The following TARM1 variants were observed in gnomAD, a reference collection of about 807,000 sequenced individuals.
TARM1 encodes T-cell-interacting, activating receptor on myeloid cells protein 1.
TARM1 carries 24 observed loss-of-function variants against 30.4 expected under a neutral mutation model. The ratio of observed to expected loss-of-function variants is 0.79; its 90% CI spans 0.57 to 1.11. TARM1 has a LOEUF of 1.11. Ranked by LOEUF, TARM1 falls within the 50% of genes least tolerant of loss-of-function variation. The pLI is 0.00. For synonymous variants in TARM1, 129 were observed against 138.9 expected (o/e 0.93, Z 0.50); for missense variants, 323 against 332.8 (o/e 0.97, Z 0.23).
At chr19:54,074,586 A>G (rs1000456660) in intron 3 of TARM1, among the ~76,000 whole-genome samples, 11 of 152,152 alleles carry the variant, frequency 7.2e-5, no homozygotes, top group Non-Finnish European at 1.3e-4. Flanking sequence ...AGGAGGCTGG[A>G]GCAGGAGAAT....
chr19:54,080,140 AAAGCAAGCAAGCAAGC>A lies in TARM1; in HGVS notation c.34+1151_34+1166del, dbSNP rs375418750. ...GGAAGGAAGGAAGGAAGGAAGGAAG[AAAGCAAGCAAGCAAGC>A]AAGCAAGCAAGCAAGCAAGCAAGCA... On this transcript the variant is annotated intron_variant, in intron 1 of 4. Transcript: ENST00000432826. Among the ~76,000 whole-genome samples the A allele has an allele frequency of 1.6e-4, 13 of 80,276 alleles. 2 individuals are homozygous for A. The highest frequency in any genetic ancestry group is 4.2e-4 in the African/African-American group (10 of 23,810). The allele number at this position is 80,276 out of a possible 152,430, so 52.7% of individuals were successfully genotyped here.
In TARM1 at chr19:54,075,900, C is replaced by T. The variant is rs1404483667; in HGVS notation, c.53G>A (p.Gly18Glu). 6.4e-7 allele frequency: 1 copy of T among 1,551,236 alleles called. No homozygotes were observed. Among genetic ancestry groups the T allele is most frequent in the African/African-American group, 1.4e-5 (1 of 73,034 alleles). ...ACACTCACCATCTCCCCTTGTGTCT[C>T]CTTGGCCCACGCACAGTCCTGCAAG... The part of the protein sequence containing the change: ...LLCFRLCVGQ[G>E]DTRGDGSLPK... The change falls in exon 2 of 5, where the codon GGA (glycine) becomes GAA (glutamate). Residue 18 changes from glycine to glutamate, a missense_variant. Coordinates refer to ENST00000432826, the MANE Select transcript of TARM1 (RefSeq NM_001135686.3).
Position 54,076,078 on chromosome 19 carries a change from T to C in TARM1, c.35-160A>G, listed in dbSNP as rs78579624. 4,773 of 1,446,366 alleles carry C rather than the reference T, an allele frequency of 3.3e-3. 123 individuals are homozygous for C. The African/African-American group carries it at 0.057, about 17-fold the overall frequency. The allele number at this position is 1,446,366 out of a possible 1,614,324, so 89.6% of individuals were successfully genotyped here. A position where few individuals can be genotyped will look rare whatever the true frequency, so the allele number is the denominator to read the frequency against. ...TCTCCCCACACTGGACTGTGGCTTC[T>C]GCTCGACTTCCAGCTCCTCCATCCT... On this transcript the variant is annotated intron_variant, in intron 1 of 4. Transcript: ENST00000432826.
chr19:54,079,694 A>G (rs2072047845), intron 1 of TARM1, among the ~76,000 whole-genome samples: 1 of 152,098 alleles, frequency 6.6e-6, no homozygotes, highest in Non-Finnish European at 1.5e-5. Flanking sequence ...TCTACAAAAA[A>G]TTTAAAAATT....
chr19:54,074,919 A>C lies in TARM1; in HGVS notation c.266T>G (p.Val89Gly). The C allele has an allele frequency of 1.9e-6, 3 of 1,551,538 alleles. No individual in the cohort carries two copies. The highest frequency in any genetic ancestry group is 2.6e-6 in the Non-Finnish European group (3 of 1,146,960). The change falls in exon 3 of 5, where the codon GTC becomes GGC. Residue 89 changes from valine to glycine, a missense_variant. Physicochemically the swap from Val to Gly is moderately radical, Grantham distance 109. Coordinates refer to ENST00000432826, the MANE Select transcript of TARM1 (RefSeq NM_001135686.3). ...AAEFHLNNLK[V>G]RNAGEYTCEY... ...ACAGGTGTACTCTCCAGCATTTCTG[A>C]CTTTTAGATTATTGAGGTGAAATTC...
At chr19:54,076,401 C>T (rs893867923) in intron 1 of TARM1, 23 of 495,838 alleles carry the variant, frequency 4.6e-5, no homozygotes, top group East Asian at 2.7e-4. Flanking sequence ...TGCGCTCTGT[C>T]GCCCAGGCTG....
intron 1 of TARM1, 75 bp from the exon 2 acceptor site, chr19:54,075,993 C>G (rs746141663): frequency 2.0e-6 from 3 of 1,523,752 alleles, no homozygotes; most frequent in Non-Finnish European, 2.7e-6. Flanking sequence ...CCCTGGAGAT[C>G]GTCCCAGAGT....
intron 1 of TARM1, among the ~76,000 whole-genome samples, chr19:54,079,680 C>T (rs1445980045): frequency 7.3e-5 from 11 of 151,462 alleles, no homozygotes; most frequent in African/African-American, 2.4e-4. Context: ...AGTGAGATCC[C>T]GTCTCTACAA....
At position 54,076,270 on chromosome 19, in the gene TARM1, TTTCA is replaced by T. The variant is rs763788676; in HGVS notation, c.35-356_35-353del. The T allele has an allele frequency of 3.5e-6, 5 of 1,449,040 alleles. No individual in the cohort carries two copies. In the South Asian group the frequency reaches 3.8e-5, roughly 11 times the overall value. 89.8% of individuals were successfully genotyped at this position (1,449,040 alleles called of 1,614,324 possible). On this transcript the variant is annotated intron_variant, in intron 1 of 4. Coordinates refer to ENST00000432826, the MANE Select transcript of TARM1 (RefSeq NM_001135686.3). ...CCTTTCTTTCTTTCTTTTTTCTTTCTTTCATTCATTCTTTCTTTCATTCATTCCA... is the reference window on the plus strand; with the variant it reads ...CCTTTCTTTCTTTCTTTTTTCTTTCTTTCATTCTTTCTTTCATTCATTCCA...
Position 54,074,812 on chromosome 19 carries a change from C to T in TARM1, c.361+12G>A. 1 of 1,548,538 alleles carries T rather than the reference C, an allele frequency of 6.5e-7. No homozygotes were observed. Among genetic ancestry groups the T allele is most frequent in the East Asian group, 2.4e-5 (1 of 40,854 alleles). On this transcript the variant is annotated intron_variant, in intron 3 of 4. Transcript: ENST00000432826. ...GTCCCCCGTATGTCATTGGCAGGCA[C>T]CCTGTCTGTACCTGTCACCAACAGT... is the stretch of plus-strand genomic sequence containing the variant.
intron 1 of TARM1, among the ~76,000 whole-genome samples, chr19:54,080,662 A>C (rs1454755639): frequency 6.6e-6 from 1 of 151,906 alleles, no homozygotes; most frequent in Non-Finnish European, 1.5e-5. Context: ...TTTGACACTA[A>C]ATTTTTATTT....
In TARM1 at chr19:54,078,905, AAG is replaced by A. The variant is rs201417723; in HGVS notation, c.34+2400_34+2401del. ...GCTGAGTAAACTAAGTCAGGCAAAA[AAG>A]AACAAGTGTTATGATTCCACTCATA... On this transcript the variant is annotated intron_variant, in intron 1 of 4. Coordinates refer to ENST00000432826, the MANE Select transcript of TARM1 (RefSeq NM_001135686.3). Among the ~76,000 whole-genome samples, 1,202 of 152,198 alleles carry A rather than the reference AAG, an allele frequency of 7.9e-3. 14 individuals are homozygous for A. The highest frequency in any genetic ancestry group is 0.028 in the African/African-American group (1,145 of 41,516).
At chr19:54,080,377 G>A in intron 1 of TARM1, among the ~76,000 whole-genome samples, 1 of 149,238 alleles carries the variant, frequency 6.7e-6, no homozygotes, top group Non-Finnish European at 1.5e-5. Context: ...AGAATGGCGT[G>A]AACCCGGGAG....
intron 1 of TARM1, among the ~76,000 whole-genome samples, chr19:54,079,725 C>T (rs1307756845): frequency 1.1e-4 from 16 of 152,114 alleles, no homozygotes; most frequent in African/African-American, 1.4e-4. Context: ...CTGTGGCTCA[C>T]GCCTGTAATC....
chr19:54,080,078 G>A (rs2146227159), intron 1 of TARM1, among the ~76,000 whole-genome samples: 1 of 131,708 alleles, frequency 7.6e-6, no homozygotes, highest in East Asian at 2.3e-4. Flanking sequence ...AAGGAATGAA[G>A]GAGAAAGAGA....
At chr19:54,080,301 C>T (rs1444589788) in intron 1 of TARM1, among the ~76,000 whole-genome samples, 1 of 150,382 alleles carries the variant, frequency 6.6e-6, no homozygotes, top group Non-Finnish European at 1.5e-5. Context: ...ACAGTGAAAC[C>T]TACGAAAAAA....
At chr19:54,080,370 A>G (rs1345271853) in intron 1 of TARM1, among the ~76,000 whole-genome samples, 2 of 149,648 alleles carry the variant, frequency 1.3e-5, no homozygotes, top group Non-Finnish European at 3.0e-5. Flanking sequence ...AGGCAGGAGA[A>G]TGGCGTGAAC....
Position 54,070,063 on chromosome 19 carries a change from C to T in TARM1, c.756G>A (p.Val252=). The change falls in exon 5 of 5, where the codon GTG becomes GTA. Residue 252 remains valine, a synonymous_variant. Transcript: ENST00000432826. ...VIVVIMGAFL[V]EAWYSRNVSP... The stretch of plus-strand genomic sequence containing the variant: ...ACACATTCCGGCTGTACCAGGCCTC[C>T]ACCAGGAAAGCTCCCATGATAACCA... 1 of 1,551,628 alleles carries T rather than the reference C, an allele frequency of 6.4e-7. No homozygotes were observed. Among genetic ancestry groups the T allele is most frequent in the Non-Finnish European group, 8.7e-7 (1 of 1,146,982 alleles).
In TARM1 at chr19:54,074,124, A is replaced by G; in HGVS notation, c.454T>C (p.Leu152=). The G allele has an allele frequency of 1.9e-6, 3 of 1,551,582 alleles. No individual in the cohort carries two copies. Among genetic ancestry groups the G allele is most frequent in the Non-Finnish European group, 2.6e-6 (3 of 1,146,954 alleles). The change falls in exon 4 of 5, where the codon TTG becomes CTG. Residue 152 remains leucine, a synonymous_variant. Transcript: ENST00000432826. ...VTLQCQKRDQ[L]FVPIMFALLK... is the part of the protein sequence containing the mutation. ...AGAGCGAACATGATAGGCACAAACA[A>G]TTGGTCTCGCTTCTGGCACTGCAGA...
Sources: allele counts gnomAD v4.1 joint callset (sites outside exome capture counted in the v4.1 genomes callset), GRCh38; gene constraint gnomAD v4.1.1; transcripts MANE v1.5; gene names NCBI Gene and HGNC (gene_info 2026-07-23, HGNC 2026-07-21).